Variants in GSE1 observed in about 807,000 individuals in gnomAD.
The protein encoded by GSE1 is genetic suppressor element 1.
In GSE1, 32 loss-of-function variants were observed where a neutral mutation model predicts 112.6. The observed-to-expected ratio is 0.28, with a 90% CI of 0.21 to 0.38. GSE1 has a LOEUF of 0.38. GSE1 is among the 10% of genes least tolerant of loss of function. The pLI, the probability that GSE1 is intolerant of heterozygous loss-of-function variation, is 1.00. For missense variants in GSE1, 2,348 were observed against 1,699.2 expected, an observed-to-expected ratio of 1.38 and a Z score of -6.71; for synonymous variants, 1,115 against 735.6, an observed-to-expected ratio of 1.52 and a Z score of -8.35.
intron 1 of GSE1, among the ~76,000 whole-genome samples, chr16:85,194,894 G>A (rs533824379): frequency 1.3e-5 from 2 of 152,268 alleles, no homozygotes; most frequent in African/African-American, 4.8e-5. Context: ...GAGGCTAAAA[G>A]TGAGTGGCTA....
intron 2 of GSE1, among the ~76,000 whole-genome samples, chr16:85,420,511 G>A (rs987061717): frequency 1.2e-4 from 18 of 150,402 alleles, no homozygotes; most frequent in Non-Finnish European, 2.5e-4. Context: ...GGGGCTTCCA[G>A]GGCCAAGGGG....
intron 1 of GSE1, among the ~76,000 whole-genome samples, chr16:85,318,796 G>A (rs761100394): frequency 3.1e-4 from 47 of 152,190 alleles, no homozygotes; most frequent in Non-Finnish European, 5.4e-4. Flanking sequence ...CTCCCCAAAG[G>A]TAGTGTCGCA....
upstream of GSE1, chr16:85,555,260 G>C (rs2045142836): frequency 1.0e-6 from 1 of 985,374 alleles, no homozygotes; most frequent in Non-Finnish European, 1.2e-6. Flanking sequence ...ACCGCCGTGC[G>C]CTCTCGCCTC....
At chr16:85,169,659 G>T (rs2074327696) in exon 1 of GSE1, 2 of 983,544 alleles carry the variant, frequency 2.0e-6, no homozygotes, top group African/African-American at 1.8e-5. Flanking sequence ...AGCTGAAGCT[G>T]CAGGTGAAGC....
chr16:85,496,947 G>T (rs1433541407), intron 2 of GSE1, among the ~76,000 whole-genome samples: 1 of 151,262 alleles, frequency 6.6e-6, no homozygotes, highest in Non-Finnish European at 1.5e-5. Flanking sequence ...CATCCAGGCT[G>T]GAGTGCAGTG....
chr16:85,365,283 C>T (rs973979392), intron 2 of GSE1, among the ~76,000 whole-genome samples: 3 of 152,236 alleles, frequency 2.0e-5, no homozygotes, highest in Admixed American at 6.5e-5. Flanking sequence ...TCTGAGAAAC[C>T]TGCCTGAGAC....
At chr16:85,456,579 C>CGTGTGTGTGTGTGTGTGTGTGTGTGT (rs35279881) in intron 2 of GSE1, among the ~76,000 whole-genome samples, 7 of 91,476 alleles carry the variant, frequency 7.7e-5, no homozygotes, top group African/African-American at 1.6e-4. Flanking sequence ...ATTTTCCTGC[C>CGTGTGTGTGTGTGTGTGTGTGTGTGT]GTGTGTGTGT....
At chr16:85,500,209 C>A (rs2151910960) in intron 2 of GSE1, among the ~76,000 whole-genome samples, 1 of 152,314 alleles carries the variant, frequency 6.6e-6, no homozygotes, top group South Asian at 2.1e-4. Context: ...AAGGTTTGTT[C>A]TTTTTTCTCC....
rs187221715 is a variant in GSE1 at position 85,462,018 on chromosome 16, T to C, written c.2464+104375T>C. 1.1e-3 allele frequency among the ~76,000 whole-genome samples: 171 copies of C among 152,272 alleles called. 1 individual carries two copies. Among genetic ancestry groups the C allele is most frequent in the Admixed American group, 0.01 (158 of 15,298 alleles). ...AGCCTCGGTGCTCACAGCACTTATC[T>C]GGAAAGGAGAGGCCAGCAGGCCCCC... On this transcript the variant is annotated intron_variant, in intron 2 of 2. Coordinates refer to the GSE1 transcript ENST00000637419.
At chr16:85,481,782 C>T (rs543226289) in intron 2 of GSE1, among the ~76,000 whole-genome samples, 8 of 152,142 alleles carry the variant, frequency 5.3e-5, no homozygotes, top group Admixed American at 1.3e-4. Flanking sequence ...TGGTGAGAAG[C>T]GTGGAAAAGG....
intron 2 of GSE1, among the ~76,000 whole-genome samples, chr16:85,517,800 T>C (rs1434263548): frequency 2.0e-5 from 3 of 152,246 alleles, no homozygotes; most frequent in African/African-American, 7.2e-5. Context: ...AGTGTCCGCC[T>C]CATGGCCTCA....
Position 85,663,569 on chromosome 16 carries a change from C to T in GSE1, c.2599C>T (p.Leu867=). 1.1e-5 allele frequency: 18 copies of T among 1,614,008 alleles called. No homozygotes were observed. The highest frequency in any genetic ancestry group is 1.5e-5 in the Non-Finnish European group (18 of 1,180,008). The change falls in exon 11 of 16, where the codon CTG becomes TTG. Residue 867 remains leucine, a synonymous_variant. Coordinates refer to ENST00000253458, the MANE Select transcript of GSE1 (RefSeq NM_014615.5). ...SPNFEEKKKF[L]TIFNLTHISA... is the part of the protein sequence containing the mutation. ...CAACTTCGAAGAAAAGAAGAAGTTC[C>T]TGACCATCTTCAACCTGACCCACAT... is the stretch of plus-strand genomic sequence containing the variant.
At chr16:85,228,764 G>A (rs1022982013) in intron 1 of GSE1, among the ~76,000 whole-genome samples, 1 of 152,206 alleles carries the variant, frequency 6.6e-6, no homozygotes, top group Non-Finnish European at 1.5e-5. Flanking sequence ...GGTGACATAT[G>A]CTTGAGCCCA....
intron 1 of GSE1, among the ~76,000 whole-genome samples, chr16:85,302,496 C>G (rs2045556173): frequency 6.6e-6 from 1 of 151,928 alleles, no homozygotes; most frequent in Non-Finnish European, 1.5e-5. Flanking sequence ...TATCAAGGCT[C>G]TTCTTGACAG....
upstream of GSE1, chr16:85,555,514 C>T (rs1026199058): frequency 4.1e-6 from 4 of 984,804 alleles, no homozygotes; most frequent in Non-Finnish European, 4.8e-6. Flanking sequence ...AAATCTCCCC[C>T]TCGGTACTTC....
chr16:85,182,434 C>T (rs1483465911), intron 1 of GSE1, among the ~76,000 whole-genome samples: 3 of 152,228 alleles, frequency 2.0e-5, no homozygotes, highest in Non-Finnish European at 2.9e-5. Flanking sequence ...GTGTCACTCC[C>T]CTGGCGGCCT....
At chr16:85,646,081 CT>C (rs2050838048) in intron 2 of GSE1, among the ~76,000 whole-genome samples, 13 of 135,022 alleles carry the variant, frequency 9.6e-5, no homozygotes, top group African/African-American at 1.9e-4. Context: ...ATTCTACCTG[CT>C]TCTACCACGC....
upstream of GSE1, chr16:85,555,209 C>T (rs973001753): frequency 5.1e-6 from 5 of 985,244 alleles, no homozygotes; most frequent in African/African-American, 5.2e-5. Flanking sequence ...TCCAATTTAC[C>T]GATAATGATT....
chr16:85,197,322 A>T (rs1438412800), intron 1 of GSE1, among the ~76,000 whole-genome samples: 1 of 152,138 alleles, frequency 6.6e-6, no homozygotes, highest in Non-Finnish European at 1.5e-5. Flanking sequence ...AAAGGGAGAG[A>T]TGAGGCTCAC....
Sources: allele counts gnomAD v4.1 joint callset (sites outside exome capture counted in the v4.1 genomes callset), GRCh38; gene constraint gnomAD v4.1.1; transcripts MANE v1.5; gene names NCBI Gene and HGNC (gene_info 2026-07-23, HGNC 2026-07-21).